The following COXFA4L2 variants were observed in gnomAD, a reference collection of about 807,000 sequenced individuals.
The protein encoded by COXFA4L2 is cytochrome c oxidase hypoxia associated subunit FA4L2.
At chr12:57,239,540 G>A in the COXFA4L2 span, 2 of 152,394 alleles carry the variant, frequency 1.3e-5, no homozygotes, top group African/African-American at 4.8e-5. This position sits in a 1 kb window ranked among gnomAD's most constrained non-coding sequence, Gnocchi z 5.5. Context: ...GGGGGCCGGG[G>A]AGGCGGGGGC....
At chr12:57,238,098 AC>A in the COXFA4L2 span, among the ~76,000 whole-genome samples, 1 of 148,676 alleles carries the variant, frequency 6.7e-6, no homozygotes, top group Non-Finnish European at 1.5e-5. The surrounding 1 kb of genome is among the most constrained non-coding windows in gnomAD (Gnocchi z 6.8). Flanking sequence ...AACCTCCACC[AC>A]CCCCTCCCTC....
At chr12:57,236,532 C>G in the COXFA4L2 span, 2 of 1,414,978 alleles carry the variant, frequency 1.4e-6, no homozygotes, top group Non-Finnish European at 1.9e-6. Context: ...CTAGGGCCGC[C>G]TATTTCCACC....
chr12:57,235,534 C>G, the COXFA4L2 span: 1 of 1,611,216 alleles, frequency 6.2e-7, no homozygotes, highest in East Asian at 2.2e-5. Context: ...CTGGCTGTGG[C>G]TTGCATGGCA....
chr12:57,239,017 C>T, the COXFA4L2 span, among the ~76,000 whole-genome samples: 1 of 152,356 alleles, frequency 6.6e-6, no homozygotes, highest in Non-Finnish European at 1.5e-5. The surrounding 1 kb of genome is among the most constrained non-coding windows in gnomAD (Gnocchi z 5.5). Flanking sequence ...TTTCCCACCA[C>T]GAGGACTCAG....
At chr12:57,235,734 G>A in the COXFA4L2 span, 1 of 1,606,342 alleles carries the variant, frequency 6.2e-7, no homozygotes. Context: ...CAACCCTAGA[G>A]CCATCGAGAG....
At chr12:57,237,388 C>T in the COXFA4L2 span, 3 of 1,337,542 alleles carry the variant, frequency 2.2e-6, no homozygotes, top group Non-Finnish European at 2.9e-6. Context: ...GAGGGAAGGA[C>T]CTCAGTGGCA....
the COXFA4L2 span, chr12:57,235,472 G>C: frequency 2.9e-6 from 4 of 1,388,124 alleles, no homozygotes; most frequent in Admixed American, 6.7e-5. Context: ...CAGGGTGGCC[G>C]GAGTGATGCC....
the COXFA4L2 span, chr12:57,240,365 C>G: frequency 6.6e-6 from 1 of 152,266 alleles, no homozygotes; most frequent in Non-Finnish European, 1.5e-5. Context: ...GCCTTGGCTT[C>G]CCCTCTCCTC....
At chr12:57,235,205 C>A in the COXFA4L2 span, 1 of 306,278 alleles carries the variant, frequency 3.3e-6, no homozygotes, top group Non-Finnish European at 6.2e-6. Flanking sequence ...CTCAGAGGCC[C>A]CTGCTTCTTG....
the COXFA4L2 span, chr12:57,240,620 G>T: frequency 1.0e-6 from 1 of 973,342 alleles, no homozygotes; most frequent in African/African-American, 1.8e-5. Flanking sequence ...TCGGATACAC[G>T]CCGCCGCGCG....
the COXFA4L2 span, chr12:57,239,815 C>T: frequency 6.5e-6 from 1 of 152,892 alleles, no homozygotes; most frequent in Non-Finnish European, 1.5e-5. The surrounding 1 kb of genome is among the most constrained non-coding windows in gnomAD (Gnocchi z 5.5). Context: ...CCACATCTCT[C>T]CATCTCACTG....
the COXFA4L2 span, among the ~76,000 whole-genome samples, chr12:57,239,196 G>T: frequency 6.6e-6 from 1 of 152,242 alleles, no homozygotes; most frequent in South Asian, 2.1e-4. The surrounding 1 kb of genome is among the most constrained non-coding windows in gnomAD (Gnocchi z 5.5). Context: ...CGGATCGAGC[G>T]TGTTGCAGGG....
the COXFA4L2 span, chr12:57,234,990 A>T: frequency 6.6e-6 from 1 of 152,280 alleles, no homozygotes; most frequent in East Asian, 2.1e-4. Flanking sequence ...GGGGAGTGGC[A>T]GGGGGAGGCC....
the COXFA4L2 span, chr12:57,237,088 C>A: frequency 5.6e-6 from 9 of 1,614,096 alleles, no homozygotes; most frequent in African/African-American, 1.3e-5. Context: ...CCTGCCATAT[C>A]GTTGTTTTCC....
the COXFA4L2 span, chr12:57,235,791 G>A: frequency 1.3e-6 from 2 of 1,557,564 alleles, no homozygotes; most frequent in Non-Finnish European, 1.7e-6. Context: ...AGGGCTCCGG[G>A]TTGTTCTTTC....
the COXFA4L2 span, chr12:57,235,589 GCTT>G: frequency 6.2e-6 from 10 of 1,614,010 alleles, no homozygotes; most frequent in African/African-American, 5.3e-5. Flanking sequence ...TCCTTCTTCA[GCTT>G]CTTATAGTCA....
the COXFA4L2 span, among the ~76,000 whole-genome samples, chr12:57,238,410 G>GC: frequency 6.6e-6 from 1 of 152,170 alleles, no homozygotes; most frequent in African/African-American, 2.4e-5. The surrounding 1 kb of genome is among the most constrained non-coding windows in gnomAD (Gnocchi z 6.8). Flanking sequence ...ATGTGTGTGG[G>GC]GGGGGCGGGG....
At chr12:57,237,137 T>A in the COXFA4L2 span, 11 of 1,614,014 alleles carry the variant, frequency 6.8e-6, no homozygotes, top group South Asian at 1.1e-4. Context: ...CTCTCCCTCC[T>A]CCTGGGGTCC....
the COXFA4L2 span, chr12:57,236,224 C>T: frequency 1.5e-5 from 5 of 334,044 alleles, no homozygotes; most frequent in Admixed American, 9.1e-5. Context: ...TGTGAAATCT[C>T]CGCCCCACAC....
Sources: allele counts gnomAD v4.1 joint callset (sites outside exome capture counted in the v4.1 genomes callset), GRCh38; gene constraint gnomAD v4.1.1; non-coding constraint Gnocchi (gnomAD v3.1); transcripts MANE v1.5; gene names NCBI Gene and HGNC (gene_info 2026-07-23, HGNC 2026-07-21).